Variants in GRID2 observed in about 807,000 individuals in gnomAD.
GRID2 encodes the protein glutamate receptor ionotropic, delta-2.
A neutral mutation model predicts 114.8 loss-of-function variants in GRID2; 33 were observed. The observed-to-expected ratio is 0.29, with a 90% CI of 0.22 to 0.38. The LOEUF is 0.38. GRID2 is among the 10% of genes least tolerant of loss of function. The probability of loss-of-function intolerance (pLI) is 1.00; values close to 1 mark genes in which losing one functional copy is unlikely to be tolerated. For synonymous variants in GRID2, 505 were observed against 449.9 expected, an observed-to-expected ratio of 1.12 and a Z score of -1.55; for missense variants, 1,184 against 1,257.7, an observed-to-expected ratio of 0.94 and a Z score of 0.89.
intron 9 of GRID2, among the ~76,000 whole-genome samples, chr4:93,398,988 T>G (rs1200464893): frequency 6.6e-6 from 1 of 151,966 alleles, no homozygotes; most frequent in Non-Finnish European, 1.5e-5. Context: ...CTTGCAAGCT[T>G]CTTCTACTCA....
intron 4 of GRID2, among the ~76,000 whole-genome samples, chr4:93,170,547 T>C (rs938262119): frequency 1.3e-5 from 2 of 152,208 alleles, no homozygotes; most frequent in Non-Finnish European, 2.9e-5. Context: ...ACCAGACAGT[T>C]CCTGCTTCGC....
intron 2 of GRID2, among the ~76,000 whole-genome samples, chr4:92,954,876 T>G (rs1189081075): frequency 7.1e-6 from 1 of 141,422 alleles, no homozygotes; most frequent in African/African-American, 2.7e-5. Flanking sequence ...TTTGGTTTTT[T>G]GTTCTTGCGA....
At chr4:92,917,172 CT>C (rs1258932705) in intron 2 of GRID2, among the ~76,000 whole-genome samples, 1 of 152,144 alleles carries the variant, frequency 6.6e-6, no homozygotes, top group African/African-American at 2.4e-5. Flanking sequence ...TGAGAAGTGT[CT>C]GTTCATATCC....
intron 1 of GRID2, among the ~76,000 whole-genome samples, chr4:92,576,412 G>A (rs1249230607): frequency 6.6e-6 from 1 of 152,200 alleles, no homozygotes; most frequent in Non-Finnish European, 1.5e-5. Context: ...TCTGTTGCTG[G>A]TGGCTGCTCT....
intron 2 of GRID2, among the ~76,000 whole-genome samples, chr4:92,718,412 C>G (rs887085107): frequency 4.0e-5 from 6 of 151,896 alleles, no homozygotes; most frequent in African/African-American, 1.5e-4. Context: ...TTAAAAGATA[C>G]AAAATTTTAA....
At chr4:93,802,239 G>A (rs1298012018) in intron 1 of GRID2, among the ~76,000 whole-genome samples, 1 of 152,226 alleles carries the variant, frequency 6.6e-6, no homozygotes, top group Non-Finnish European at 1.5e-5. Flanking sequence ...GCCAGGCAAA[G>A]TGTTGAATAC....
At chr4:92,975,779 G>A (rs1753833195) in intron 2 of GRID2, among the ~76,000 whole-genome samples, 1 of 152,086 alleles carries the variant, frequency 6.6e-6, no homozygotes, top group Non-Finnish European at 1.5e-5. Context: ...ATCAACAAAT[G>A]TAGATAATGT....
intron 2 of GRID2, among the ~76,000 whole-genome samples, chr4:92,895,595 C>T (rs1273498728): frequency 6.6e-6 from 1 of 151,698 alleles, no homozygotes; most frequent in Non-Finnish European, 1.5e-5. Flanking sequence ...AGTAATAAAA[C>T]AAGCTGTCTT....
intron 2 of GRID2, among the ~76,000 whole-genome samples, chr4:93,040,292 A>T (rs968707589): frequency 1.3e-5 from 2 of 151,950 alleles, no homozygotes; most frequent in African/African-American, 4.8e-5. Context: ...TCACAAAAAA[A>T]AAAAAAGAAA....
chr4:92,393,378 A>T (rs1437457337), intron 1 of GRID2, among the ~76,000 whole-genome samples: 1 of 152,216 alleles, frequency 6.6e-6, no homozygotes, highest in East Asian at 1.9e-4. Context: ...CTTACATAAT[A>T]TCTCTCTTCA....
At chr4:93,473,033 T>C (rs929840539) in intron 11 of GRID2, among the ~76,000 whole-genome samples, 3 of 152,218 alleles carry the variant, frequency 2.0e-5, no homozygotes, top group African/African-American at 7.2e-5. Context: ...AGTAGTTTCA[T>C]ACTGCATGTA....
intron 2 of GRID2, among the ~76,000 whole-genome samples, chr4:92,782,326 G>T (rs953598432): frequency 6.6e-6 from 1 of 151,818 alleles, no homozygotes; most frequent in African/African-American, 2.4e-5. Context: ...TTATCTTAGC[G>T]TTTTCAGACT....
intron 13 of GRID2, 60 bp downstream of exon 13, chr4:93,515,471 C>T (rs1039216505): frequency 2.5e-5 from 28 of 1,120,950 alleles, no homozygotes; most frequent in South Asian, 2.1e-4. Flanking sequence ...GCTGGAATTG[C>T]GCAGTTGAGA....
intron 2 of GRID2, chr4:92,822,631 A>C (rs1046452312): frequency 5.5e-6 from 1 of 182,804 alleles, no homozygotes; most frequent in African/African-American, 2.4e-5. Context: ...CCTACAGATC[A>C]TCTCATAGTG....
At chr4:92,660,029 A>G (rs1170622267) in intron 2 of GRID2, among the ~76,000 whole-genome samples, 1 of 151,420 alleles carries the variant, frequency 6.6e-6, no homozygotes, top group African/African-American at 2.4e-5. Context: ...ATTTTCATGA[A>G]AATTATTTTG....
chr4:92,971,048 C>T (rs1332643906), intron 2 of GRID2, among the ~76,000 whole-genome samples: 3 of 151,784 alleles, frequency 2.0e-5, no homozygotes, highest in Non-Finnish European at 4.4e-5. Flanking sequence ...AAGACTCAGA[C>T]TTGGCTCATA....
At chr4:92,563,825 A>T (rs545180356) in intron 1 of GRID2, among the ~76,000 whole-genome samples, 2 of 151,972 alleles carry the variant, frequency 1.3e-5, no homozygotes, top group South Asian at 4.1e-4. Context: ...ACTTCTCTCT[A>T]CACCTTCTCA....
intron 3 of GRID2, among the ~76,000 whole-genome samples, chr4:93,099,740 C>T (rs986514462): frequency 5.9e-5 from 9 of 151,882 alleles, no homozygotes; most frequent in Non-Finnish European, 1.3e-4. Context: ...AAGCACCACT[C>T]TTCACCGTAT....
intron 2 of GRID2, among the ~76,000 whole-genome samples, chr4:92,639,555 C>G (rs17019737): frequency 0.11 from 16,225 of 151,642 alleles, 955 homozygotes; most frequent in Middle Eastern, 0.2. Flanking sequence ...AGTTTAGTAT[C>G]TGTGAAGCTT....
Sources: allele counts gnomAD v4.1 joint callset (sites outside exome capture counted in the v4.1 genomes callset), GRCh38; gene constraint gnomAD v4.1.1; transcripts MANE v1.5; gene names NCBI Gene and HGNC (gene_info 2026-07-23, HGNC 2026-07-21).